Variants in NSD1 observed in about 807,000 individuals in gnomAD.
The protein encoded by NSD1 is histone-lysine N-methyltransferase, H3 lysine-36 specific.
In NSD1, 26 loss-of-function variants were observed where a neutral mutation model predicts 242.7. That is an observed-to-expected ratio of 0.11 (90% CI 0.08 to 0.15). The LOEUF is 0.15. NSD1 is among the 10% of genes least tolerant of loss of function. The probability of loss-of-function intolerance (pLI) is 1.00; values close to 1 mark genes in which losing one functional copy is unlikely to be tolerated. For synonymous variants in NSD1, 1,106 were observed against 1,178.1 expected (o/e 0.94, Z 1.25); for missense variants, 2,495 against 3,272.8 (o/e 0.76, Z 5.80).
At chr5:177,195,178 G>C (rs918936736) in intron 3 of NSD1, among the ~76,000 whole-genome samples, 2 of 151,734 alleles carry the variant, frequency 1.3e-5, no homozygotes, top group African/African-American at 4.8e-5. Context: ...AAATAACTTA[G>C]TGTGTTAAAA....
At chr5:177,203,641 T>A (rs916699067) in intron 3 of NSD1, among the ~76,000 whole-genome samples, 2 of 152,188 alleles carry the variant, frequency 1.3e-5, no homozygotes, top group Admixed American at 6.5e-5. Context: ...ACACTATAAA[T>A]GTTAACAGAT....
intron 2 of NSD1, among the ~76,000 whole-genome samples, chr5:177,158,459 T>A (rs2149785853): frequency 6.6e-6 from 1 of 150,594 alleles, no homozygotes; most frequent in Middle Eastern, 3.4e-3. Flanking sequence ...TGCCTCAGCC[T>A]CCCAAGTAGC....
At chr5:177,200,884 A>G (rs1424214988) in intron 3 of NSD1, among the ~76,000 whole-genome samples, 2 of 150,604 alleles carry the variant, frequency 1.3e-5, no homozygotes, top group Non-Finnish European at 3.0e-5. Context: ...ATTGTATAGT[A>G]TCTGGTGTTT....
intron 2 of NSD1, among the ~76,000 whole-genome samples, chr5:177,162,715 C>T (rs931639974): frequency 1.3e-5 from 2 of 152,040 alleles, no homozygotes; most frequent in Admixed American, 1.3e-4. Context: ...GTCTTACTCT[C>T]TGTCATGCAG....
rs1183569859 is a variant in NSD1 at position 177,158,998 on chromosome 5, T to TTATATATATATATATATGAATGAGATA, written c.927+22985_927+22986insGAATGAGATATATATATATATATATAT. On this transcript the variant is annotated intron_variant, in intron 2 of 22. Coordinates refer to ENST00000439151, the MANE Select transcript of NSD1 (RefSeq NM_022455.5). ...TATACACACATATATATGAATGATT[T>TTATATATATATATATATGAATGAGATA]TATATATATATATATATATATATAT... is the stretch of plus-strand genomic sequence containing the variant. Among the ~76,000 whole-genome samples the TTATATATATATATATATGAATGAGATA allele has an allele frequency of 1.8e-3, 218 of 122,588 alleles. 2 individuals are homozygous for TTATATATATATATATATGAATGAGATA. Among genetic ancestry groups the TTATATATATATATATATGAATGAGATA allele is most frequent in the African/African-American group, 8.1e-3 (213 of 26,306 alleles). 80.4% of individuals were successfully genotyped at this position (122,588 alleles called of 152,430 possible).
In NSD1 at chr5:177,283,871, T is replaced by C. The variant is rs1759092567; in HGVS notation, c.6094T>C (p.Trp2032Arg). 6.2e-7 allele frequency: 1 copy of C among 1,613,946 alleles called. No homozygotes were observed. Among genetic ancestry groups the C allele is most frequent in the Non-Finnish European group, 8.5e-7 (1 of 1,179,922 alleles). ...CCQPNCETQK[W>R]SVNGDTRVGL... Reference sequence around the variant, plus strand: ...CCAGCCCAACTGTGAAACACAGAAGTGGTCTGTGAATGGAGATACCCGTGT... The same window carrying C: ...CCAGCCCAACTGTGAAACACAGAAGCGGTCTGTGAATGGAGATACCCGTGT... The change falls in exon 20 of 23, where the codon TGG becomes CGG. Residue 2032 changes from tryptophan to arginine, a missense_variant. Coordinates refer to ENST00000439151, the MANE Select transcript of NSD1 (RefSeq NM_022455.5).
chr5:177,265,510 C>A, intron 14 of NSD1: 1 of 690,484 alleles, frequency 1.4e-6, no homozygotes, highest in African/African-American at 1.8e-5. Context: ...GAAGGGGGAG[C>A]CCCACAACCG....
In NSD1 at chr5:177,161,496, T is replaced by G. The variant is rs974812316; in HGVS notation, c.927+25466T>G. 5.9e-5 allele frequency among the ~76,000 whole-genome samples: 9 copies of G among 151,946 alleles called. No homozygotes were observed. The East Asian group carries it at 9.6e-4, about 16-fold the overall frequency. On this transcript the variant is annotated intron_variant, in intron 2 of 22. Coordinates refer to ENST00000439151, the MANE Select transcript of NSD1 (RefSeq NM_022455.5). ...TATATTCTCCTATTTTTAAAAAATTTTTTTCTAAATAGAGATAGGGTCTTA... is the reference window on the plus strand; with the variant it reads ...TATATTCTCCTATTTTTAAAAAATTGTTTTCTAAATAGAGATAGGGTCTTA...
chr5:177,227,140 G>A (rs1764693641), intron 5 of NSD1, among the ~76,000 whole-genome samples: 1 of 152,176 alleles, frequency 6.6e-6, no homozygotes, highest in Non-Finnish European at 1.5e-5. Flanking sequence ...TGGGGATACA[G>A]ATAAAAATAG....
At chr5:177,175,653 C>T (rs1018691309) in intron 2 of NSD1, among the ~76,000 whole-genome samples, 1 of 151,928 alleles carries the variant, frequency 6.6e-6, no homozygotes, top group Non-Finnish European at 1.5e-5. Flanking sequence ...ATTTGAAAGC[C>T]TTCTTCAGAG....
At chr5:177,162,877 C>A (rs1012913131) in intron 2 of NSD1, among the ~76,000 whole-genome samples, 3 of 151,968 alleles carry the variant, frequency 2.0e-5, no homozygotes, top group African/African-American at 7.3e-5. Flanking sequence ...TTTGCCCAGG[C>A]TGGTCTAGAA....
At chr5:177,276,403 C>T (rs1400436541) in intron 17 of NSD1, among the ~76,000 whole-genome samples, 1 of 151,744 alleles carries the variant, frequency 6.6e-6, no homozygotes, top group East Asian at 1.9e-4. Flanking sequence ...CAGCTCACTG[C>T]AACCTCCATC....
intron 4 of NSD1, 148 bp downstream of exon 4, chr5:177,204,440 G>A (rs1158510583): frequency 8.4e-6 from 6 of 713,410 alleles, no homozygotes; most frequent in South Asian, 3.2e-5. Context: ...TGCAACCTCC[G>A]CGTCCCAGGT....
intron 2 of NSD1, among the ~76,000 whole-genome samples, chr5:177,166,184 A>G (rs1474845851): frequency 2.0e-5 from 3 of 151,644 alleles, no homozygotes; most frequent in Admixed American, 2.0e-4. Flanking sequence ...AAGTGCCGGG[A>G]TTACAGGCAT....
intron 2 of NSD1, among the ~76,000 whole-genome samples, chr5:177,177,544 A>G (rs571457071): frequency 5.3e-5 from 8 of 152,154 alleles, no homozygotes; most frequent in South Asian, 2.1e-4. Flanking sequence ...AAACAAAAAA[A>G]CAGCAACAAC....
At chr5:177,274,430 A>G (rs941123977) in intron 17 of NSD1, among the ~76,000 whole-genome samples, 1 of 152,194 alleles carries the variant, frequency 6.6e-6, no homozygotes, top group Non-Finnish European at 1.5e-5. Flanking sequence ...AAATAATTGC[A>G]GTTTTATCAT....
At chr5:177,293,802 T>C (rs1760049854) in intron 22 of NSD1, 30 bp from the exon 23 acceptor site, 1 of 1,612,940 alleles carries the variant, frequency 6.2e-7, no homozygotes, top group South Asian at 1.1e-5. Context: ...TCTTTTTTCC[T>C]AAACTTTTGA....
intron 2 of NSD1, among the ~76,000 whole-genome samples, chr5:177,173,608 G>A (rs1360264020): frequency 6.6e-6 from 1 of 151,746 alleles, no homozygotes. Flanking sequence ...TGAGTAGCTG[G>A]GGTTACAGGC....
In NSD1 at chr5:177,288,678, GAATT is replaced by G. The variant is rs563515754; in HGVS notation, c.6152-134_6152-131del. 2,540 of 667,646 alleles carry G rather than the reference GAATT, an allele frequency of 3.8e-3. 9 individuals carry two copies. Among genetic ancestry groups the G allele is most frequent in the Non-Finnish European group, 5.3e-3 (2,001 of 377,528 alleles). The allele number at this position is 667,646 out of a possible 1,614,324, so 41.4% of individuals were successfully genotyped here. ...CCTGATTATTAATGTTATAAGATTA[GAATT>G]AATTAAAATATAGGATTAGAGCTAA... is the stretch of plus-strand genomic sequence containing the variant. On this transcript the variant is annotated intron_variant, in intron 20 of 22. Coordinates refer to ENST00000439151, the MANE Select transcript of NSD1 (RefSeq NM_022455.5).
Sources: gnomAD v4.1 joint callset for allele counts (sites outside exome capture counted in the v4.1 genomes callset) on GRCh38, gnomAD v4.1.1 for gene constraint, MANE v1.5 for transcripts, NCBI Gene and HGNC (gene_info 2026-07-23, HGNC 2026-07-21) for gene names.